Variants in TRPC4 observed in about 807,000 individuals in gnomAD.
TRPC4 encodes the protein short transient receptor potential channel 4.
In TRPC4, 49 loss-of-function variants were observed where a neutral mutation model predicts 99.4. The ratio of observed to expected loss-of-function variants is 0.49; its 90% CI spans 0.39 to 0.63. TRPC4 has a LOEUF of 0.63. Among genes scored for constraint, TRPC4 ranks in the 20% least tolerant of loss-of-function variants. The pLI is 0.00. For missense variants in TRPC4, 898 were observed against 1,152.9 expected (o/e 0.78, Z 3.20); for synonymous variants, 454 against 425.9 (o/e 1.07, Z -0.81).
chr13:37,747,533 G>A (rs1171156092), intron 2 of TRPC4, among the ~76,000 whole-genome samples: 3 of 152,004 alleles, frequency 2.0e-5, no homozygotes, highest in East Asian at 1.9e-4. Flanking sequence ...GATGACTCAC[G>A]TCACATTGAA....
At chr13:37,735,492 A>G (rs12861121) in intron 3 of TRPC4, among the ~76,000 whole-genome samples, 53,122 of 152,022 alleles carry the variant, frequency 0.35, 11,124 homozygotes, top group Non-Finnish European at 0.48. Flanking sequence ...TTGAAGTATA[A>G]ATGTGAACAT....
At chr13:37,788,102 A>T (rs901380485) in intron 1 of TRPC4, among the ~76,000 whole-genome samples, 2 of 152,006 alleles carry the variant, frequency 1.3e-5, no homozygotes, top group Non-Finnish European at 2.9e-5. Flanking sequence ...GAAAATACGC[A>T]TCAATCTATT....
At chr13:37,800,925 T>C (rs1443009875) in intron 1 of TRPC4, among the ~76,000 whole-genome samples, 1 of 152,002 alleles carries the variant, frequency 6.6e-6, no homozygotes, top group African/African-American at 2.4e-5. Flanking sequence ...TGAAAATCAG[T>C]AAAATATTTT....
chr13:37,664,530 C>G (rs991605019), intron 5 of TRPC4, among the ~76,000 whole-genome samples: 1 of 151,650 alleles, frequency 6.6e-6, no homozygotes, highest in Non-Finnish European at 1.5e-5. Context: ...GCTGAGATCA[C>G]GCCATTGCAC....
At chr13:37,671,907 T>C (rs1038800873) in intron 5 of TRPC4, among the ~76,000 whole-genome samples, 7 of 152,218 alleles carry the variant, frequency 4.6e-5, no homozygotes, top group African/African-American at 1.7e-4. Context: ...CCTATGACCA[T>C]ATATTAACAA....
At chr13:37,762,714 T>A (rs1956256152) in intron 2 of TRPC4, among the ~76,000 whole-genome samples, 1 of 97,392 alleles carries the variant, frequency 1.0e-5, no homozygotes. Flanking sequence ...CTGGGGACTG[T>A]TGTGGGGTGG....
intron 1 of TRPC4, among the ~76,000 whole-genome samples, chr13:37,845,863 A>G (rs554142157): frequency 5.3e-5 from 8 of 152,206 alleles, no homozygotes; most frequent in Non-Finnish European, 1.2e-4. Flanking sequence ...GGACATCACC[A>G]AGATACATTA....
intron 1 of TRPC4, among the ~76,000 whole-genome samples, chr13:37,839,914 T>C (rs1006111963): frequency 6.6e-6 from 1 of 152,198 alleles, no homozygotes; most frequent in Admixed American, 6.5e-5. Context: ...CCAAGTATTC[T>C]ATCCTCCTGC....
At chr13:37,704,069 G>A (rs1478737906) in intron 3 of TRPC4, among the ~76,000 whole-genome samples, 1 of 152,002 alleles carries the variant, frequency 6.6e-6, no homozygotes, top group East Asian at 1.9e-4. Context: ...ACACATGGTT[G>A]AATATTTTTT....
chr13:37,811,648 A>T (rs1277632152), intron 1 of TRPC4, among the ~76,000 whole-genome samples: 1 of 152,148 alleles, frequency 6.6e-6, no homozygotes, highest in Non-Finnish European at 1.5e-5. Context: ...CATACATATA[A>T]GGAATTACCA....
At chr13:37,765,482 T>A (rs1956338558) in intron 2 of TRPC4, among the ~76,000 whole-genome samples, 1 of 151,416 alleles carries the variant, frequency 6.6e-6, no homozygotes, top group Admixed American at 6.6e-5. Context: ...TGACATGTAT[T>A]TCTCCCCTGA....
At chr13:37,659,515 G>A (rs1952358734) in intron 6 of TRPC4, among the ~76,000 whole-genome samples, 1 of 152,274 alleles carries the variant, frequency 6.6e-6, no homozygotes, top group East Asian at 1.9e-4. Flanking sequence ...TAAGACAGGA[G>A]GCAGGGGACA....
intron 3 of TRPC4, among the ~76,000 whole-genome samples, chr13:37,738,595 A>G (rs74963501): frequency 0.028 from 4,284 of 152,256 alleles, 191 homozygotes; most frequent in African/African-American, 0.097. Context: ...AGTGGGATAT[A>G]TGCAGCAATG....
chr13:37,651,656 C>T (rs1007053104), intron 7 of TRPC4, among the ~76,000 whole-genome samples, 197 bp from the exon 8 acceptor site: 9 of 152,162 alleles, frequency 5.9e-5, no homozygotes, highest in African/African-American at 1.4e-4. Context: ...TCACAGCTCT[C>T]GTGTCACTTC....
intron 1 of TRPC4, among the ~76,000 whole-genome samples, chr13:37,861,078 G>C (rs1959283698): frequency 6.6e-6 from 1 of 151,396 alleles, no homozygotes; most frequent in Non-Finnish European, 1.5e-5. Flanking sequence ...ATCTCATTGT[G>C]ACTCTCAAAA....
intron 2 of TRPC4, among the ~76,000 whole-genome samples, chr13:37,757,819 G>A (rs75603716): frequency 0.068 from 10,356 of 151,974 alleles, 444 homozygotes; most frequent in Non-Finnish European, 0.091. Flanking sequence ...CAAATGATGA[G>A]TCTGTGCACT....
At chr13:37,792,698 C>T (rs1296687266) in intron 1 of TRPC4, among the ~76,000 whole-genome samples, 4 of 150,314 alleles carry the variant, frequency 2.7e-5, no homozygotes, top group Non-Finnish European at 5.9e-5. Context: ...TCCTGTGGCC[C>T]GTAACTGACC....
At chr13:37,714,003 C>T (rs115080219) in intron 3 of TRPC4, among the ~76,000 whole-genome samples, 1 of 152,234 alleles carries the variant, frequency 6.6e-6, no homozygotes, top group East Asian at 1.9e-4. Context: ...TCCTCCATTT[C>T]TCTCTCTGCT....
chr13:37,789,997 C>T (rs988401290), intron 1 of TRPC4, among the ~76,000 whole-genome samples: 1 of 151,960 alleles, frequency 6.6e-6, no homozygotes, highest in Non-Finnish European at 1.5e-5. Flanking sequence ...GCATATTAAT[C>T]TCTACAAAAT....
Sources: gnomAD v4.1 joint callset for allele counts (sites outside exome capture counted in the v4.1 genomes callset) on GRCh38, gnomAD v4.1.1 for gene constraint, MANE v1.5 for transcripts, NCBI Gene and HGNC (gene_info 2026-07-23, HGNC 2026-07-21) for gene names.